RARG: variants seen among roughly 807,000 people sequenced by gnomAD.
RARG encodes RAR-gamma.
Under a neutral mutation model 43.7 loss-of-function variants are expected in RARG, and 17 were observed. That is an observed-to-expected ratio of 0.39 (90% CI 0.27 to 0.58). The LOEUF (loss-of-function observed/expected upper bound fraction) is 0.58. Ranked by LOEUF, RARG falls within the 20% of genes least tolerant of loss-of-function variation. The pLI is 0.57. For synonymous variants in RARG, 238 were observed against 236.4 expected (o/e 1.01, Z -0.06); for missense variants, 346 against 598.7 (o/e 0.58, Z 4.40).
chr12:53,211,947 C>G lies in RARG; in HGVS notation c.1178-84G>C. 8.9e-7 allele frequency: 1 copy of G among 1,127,726 alleles called. No individual in the cohort carries two copies. Among genetic ancestry groups the G allele is most frequent in the South Asian group, 2.6e-5 (1 of 39,204 alleles). The allele number at this position is 1,127,726 out of a possible 1,614,324, so 69.9% of individuals were successfully genotyped here. A position where few individuals can be genotyped will look rare whatever the true frequency, so the allele number is the denominator to read the frequency against. On this transcript the variant is annotated intron_variant, in intron 9 of 9. Transcript: ENST00000425354. The surrounding 1 kb of genome is among the most constrained non-coding windows in gnomAD (Gnocchi z 4.6). ...CCATCTCCCTAACCTTTCTCAACTG[C>G]CCCTGACTCCCCTAGGGGGCGCCCA...
At chr12:53,216,839 TGTGCGCGCGC>T (rs1163185963) in intron 3 of RARG, among the ~76,000 whole-genome samples, 5 of 146,830 alleles carry the variant, frequency 3.4e-5, no homozygotes, top group East Asian at 4.1e-4. Flanking sequence ...TGTGTGTGTG[TGTGCGCGCGC>T]GCGCGCGCGC....
chr12:53,223,494 TGGCGGC>T (rs1484139567), intron 3 of RARG, among the ~76,000 whole-genome samples: 1 of 148,140 alleles, frequency 6.8e-6, no homozygotes, highest in African/African-American at 2.5e-5. Flanking sequence ...GCCTGGGCCC[TGGCGGC>T]GGCGGCTTGC....
At chr12:53,224,623 C>T (rs1183845980) in intron 3 of RARG, among the ~76,000 whole-genome samples, 1 of 152,096 alleles carries the variant, frequency 6.6e-6, no homozygotes, top group African/African-American at 2.4e-5. Flanking sequence ...TGGATCTCTT[C>T]GTCTCCCCTA....
At chr12:53,217,168 G>A (rs1942797895) in intron 3 of RARG, among the ~76,000 whole-genome samples, 1 of 152,020 alleles carries the variant, frequency 6.6e-6, no homozygotes, top group Non-Finnish European at 1.5e-5. Context: ...CAATCAATTA[G>A]CATAAGAATC....
In RARG at chr12:53,213,407, T is replaced by A; in HGVS notation, c.1018+89A>T. The A allele has an allele frequency of 6.6e-7, 1 of 1,516,670 alleles. No individual in the cohort carries two copies. The highest frequency in any genetic ancestry group is 9.1e-7 in the Non-Finnish European group (1 of 1,104,238). 94.0% of individuals were successfully genotyped at this position (1,516,670 alleles called of 1,614,324 possible). A position where few individuals can be genotyped will look rare whatever the true frequency, so the allele number is the denominator to read the frequency against. On this transcript the variant is annotated intron_variant, in intron 8 of 9. Transcript: ENST00000425354. This position sits in a 1 kb window ranked among gnomAD's most constrained non-coding sequence, Gnocchi z 4.7. ...ATTACCAGCAGAAGAGACCACTGGG[T>A]CCTCCACGCCCCCTCCCAGACAGAT...
Position 53,211,666 on chromosome 12 carries a change from G to A in RARG, c.*10C>T, listed in dbSNP as rs982464052. 1 of 1,471,236 alleles carries A rather than the reference G, an allele frequency of 6.8e-7. No individual in the cohort carries two copies. The highest frequency in any genetic ancestry group is 9.0e-7 in the Non-Finnish European group (1 of 1,113,020). The allele number at this position is 1,471,236 out of a possible 1,614,324, so 91.1% of individuals were successfully genotyped here. A position where few individuals can be genotyped will look rare whatever the true frequency, so the allele number is the denominator to read the frequency against. ...CCCAACCCCCACAGCGGGGAGGTCA[G>A]GGGCCCTGGTCAGGCTGGGGACTTC... is the stretch of plus-strand genomic sequence containing the variant. On this transcript the variant is annotated 3_prime_UTR_variant, in exon 10 of 10. Coordinates refer to ENST00000425354, the MANE Select transcript of RARG (RefSeq NM_000966.6). The surrounding 1 kb of genome is among the most constrained non-coding windows in gnomAD (Gnocchi z 4.6).
At chr12:53,222,233 G>GAGAAAGAAAGAAA (rs147773701) in intron 3 of RARG, among the ~76,000 whole-genome samples, 1 of 149,686 alleles carries the variant, frequency 6.7e-6, no homozygotes, top group African/African-American at 2.5e-5. Flanking sequence ...AAGAAAGAGA[G>GAGAAAGAAAGAAA]AGAAAGAAAA....
intron 2 of RARG, among the ~76,000 whole-genome samples, chr12:53,230,873 GT>G (rs1943219695): frequency 1.3e-5 from 2 of 149,700 alleles, no homozygotes; most frequent in African/African-American, 5.1e-5. Flanking sequence ...GTGTGTGTGT[GT>G]GTGTGTGTAT....
chr12:53,214,366 T>C (rs1942697023), intron 6 of RARG, 80 bp downstream of exon 6: 1 of 1,560,002 alleles, frequency 6.4e-7, no homozygotes, highest in South Asian at 1.1e-5. Context: ...CACCAGTCGA[T>C]GATAGCCTCC....
chr12:53,227,705 G>T lies in RARG; in HGVS notation c.-142-18C>A. 1 of 1,259,408 alleles carries T rather than the reference G, an allele frequency of 7.9e-7. No homozygotes were observed. The highest frequency in any genetic ancestry group is 1.0e-6 in the Non-Finnish European group (1 of 981,410). The allele number at this position is 1,259,408 out of a possible 1,614,324, so 78.0% of individuals were successfully genotyped here. ...CAAAAGTCCTAGGGAGAAAGAGAGAGAAAGGAGAGATGAGAGAATGACCAC... is the reference window on the plus strand; with the variant it reads ...CAAAAGTCCTAGGGAGAAAGAGAGATAAAGGAGAGATGAGAGAATGACCAC... On this transcript the variant is annotated intron_variant, in intron 2 of 9. Coordinates refer to ENST00000425354, the MANE Select transcript of RARG (RefSeq NM_000966.6). The surrounding 1 kb of genome is among the most constrained non-coding windows in gnomAD (Gnocchi z 4.3).
chr12:53,219,374 C>CACA (rs1942881293), intron 3 of RARG, among the ~76,000 whole-genome samples: 2 of 152,186 alleles, frequency 1.3e-5, no homozygotes, highest in Non-Finnish European at 2.9e-5. Context: ...CACTCTCGAA[C>CACA]ACAGCACTTT....
chr12:53,230,815 A>G (rs1488470877), intron 2 of RARG, among the ~76,000 whole-genome samples: 45 of 150,198 alleles, frequency 3.0e-4, no homozygotes, highest in Admixed American at 3.0e-3. Flanking sequence ...CATGCTGCCT[A>G]CTAGGCTGTA....
At chr12:53,224,840 A>G (rs1943068715) in intron 3 of RARG, among the ~76,000 whole-genome samples, 1 of 151,952 alleles carries the variant, frequency 6.6e-6, no homozygotes, top group East Asian at 1.9e-4. Context: ...CTCCTTCAGC[A>G]TGGCCTTCGA....
chr12:53,219,595 C>CATGGGCTTTA (rs1179079916), intron 3 of RARG, among the ~76,000 whole-genome samples: 1 of 152,206 alleles, frequency 6.6e-6, no homozygotes, highest in East Asian at 1.9e-4. Context: ...TGCCAGCTTC[C>CATGGGCTTTA]CACATGGGCT....
chr12:53,229,130 G>A (rs1565732158), intron 2 of RARG, among the ~76,000 whole-genome samples: 1 of 152,116 alleles, frequency 6.6e-6, no homozygotes. Flanking sequence ...CAGTTAGTGG[G>A]CTAGGGAGGA....
At position 53,220,216 on chromosome 12, in the gene RARG, T is replaced by C. The variant is rs779471154; in HGVS notation, c.185-4422A>G. 6.6e-4 allele frequency: 923 copies of C among 1,395,796 alleles called. 2 individuals carry two copies. Among genetic ancestry groups the C allele is most frequent in the Non-Finnish European group, 8.3e-4 (871 of 1,053,144 alleles). The allele number at this position is 1,395,796 out of a possible 1,614,324, so 86.5% of individuals were successfully genotyped here. A position where few individuals can be genotyped will look rare whatever the true frequency, so the allele number is the denominator to read the frequency against. On this transcript the variant is annotated intron_variant, in intron 3 of 9. Transcript: ENST00000425354. ...CAGGGGGGGAGGGGGAGGGCTAGCA[T>C]AGGGCGCTGGGCTGCATGCGGGTAA...
In RARG at chr12:53,211,492, C is replaced by T. The variant is rs1349855549; in HGVS notation, c.*184G>A. ...AGGCCCCCGGGACTGGCGAGGGAGC[C>T]GGTTAGATCAGGAAGGGGATGAACA... is the stretch of plus-strand genomic sequence containing the variant. On this transcript the variant is annotated 3_prime_UTR_variant, in exon 10 of 10. Transcript: ENST00000425354. The surrounding 1 kb of genome is among the most constrained non-coding windows in gnomAD (Gnocchi z 4.6). 5 of 511,014 alleles carry T rather than the reference C, an allele frequency of 9.8e-6. No individual in the cohort carries two copies. Among genetic ancestry groups the T allele is most frequent in the Non-Finnish European group, 1.3e-5 (4 of 310,104 alleles). The allele number at this position is 511,014 out of a possible 1,614,324, so 31.7% of individuals were successfully genotyped here. A position where few individuals can be genotyped will look rare whatever the true frequency, so the allele number is the denominator to read the frequency against.
chr12:53,225,728 T>C (rs1234861068), intron 3 of RARG, among the ~76,000 whole-genome samples: 1 of 152,168 alleles, frequency 6.6e-6, no homozygotes, highest in African/African-American at 2.4e-5. Flanking sequence ...CCACCTGTAA[T>C]GGCCTGGCCA....
At chr12:53,223,140 CT>C (rs1313080181) in intron 3 of RARG, among the ~76,000 whole-genome samples, 2 of 152,232 alleles carry the variant, frequency 1.3e-5, no homozygotes, top group Non-Finnish European at 2.9e-5. Context: ...GGACAGCTAA[CT>C]CCTCATGCAC....
Sources: gnomAD v4.1 joint callset for allele counts (sites outside exome capture counted in the v4.1 genomes callset) on GRCh38, gnomAD v4.1.1 for gene constraint, Gnocchi (gnomAD v3.1) non-coding constraint, MANE v1.5 for transcripts, NCBI Gene and HGNC (gene_info 2026-07-23, HGNC 2026-07-21) for gene names.